Variants in SLC24A2 observed in about 807,000 individuals in gnomAD.
SLC24A2 encodes the protein solute carrier family 24 member 2.
A neutral mutation model predicts 62.0 loss-of-function variants in SLC24A2; 36 were observed. That is an observed-to-expected ratio of 0.58 (90% confidence interval 0.44 to 0.77). SLC24A2 has a LOEUF of 0.77. Ranked by LOEUF, SLC24A2 falls within the 30% of genes least tolerant of loss-of-function variation. SLC24A2 has a pLI of 0.00. For missense variants in SLC24A2, 846 were observed against 817.9 expected, an observed-to-expected ratio of 1.03 and a Z score of -0.42; for synonymous variants, 358 against 294.0, an observed-to-expected ratio of 1.22 and a Z score of -2.23.
chr9:20,275,968 G>A, the SLC24A2 span, among the ~76,000 whole-genome samples: 33 of 152,058 alleles, frequency 2.2e-4, no homozygotes, highest in Middle Eastern at 3.4e-3. Context: ...ACCTCCTACC[G>A]GGTCCCTCCC....
chr9:19,610,719 T>C (rs1185504824), intron 4 of SLC24A2, among the ~76,000 whole-genome samples: 2 of 152,234 alleles, frequency 1.3e-5, no homozygotes, highest in Non-Finnish European at 1.5e-5. Context: ...TCACTCTTCA[T>C]AGCTGCAAGA....
At chr9:20,246,063 G>C in the SLC24A2 span, among the ~76,000 whole-genome samples, 3 of 152,208 alleles carry the variant, frequency 2.0e-5, no homozygotes, top group Admixed American at 1.3e-4. Context: ...GTAAGGAAAA[G>C]AAATAAGATC....
At chr9:20,287,578 T>C in the SLC24A2 span, among the ~76,000 whole-genome samples, 1 of 152,178 alleles carries the variant, frequency 6.6e-6, no homozygotes, top group Non-Finnish European at 1.5e-5. Flanking sequence ...AACGAACAGT[T>C]TTTTAACACC....
At chr9:19,622,187 C>T (rs932085396) in intron 3 of SLC24A2, 74 bp downstream of exon 3, 82 of 1,248,678 alleles carry the variant, frequency 6.6e-5, no homozygotes, top group East Asian at 9.3e-5. Context: ...CACACAAACC[C>T]GTCTCACTCC....
At chr9:20,095,317 T>A in the SLC24A2 span, among the ~76,000 whole-genome samples, 5 of 152,372 alleles carry the variant, frequency 3.3e-5, no homozygotes, top group African/African-American at 1.2e-4. Context: ...CTGTGATGGT[T>A]AATTTTATCC....
chr9:19,778,483 A>C (rs7864764), intron 2 of SLC24A2, among the ~76,000 whole-genome samples: 1 of 151,968 alleles, frequency 6.6e-6, no homozygotes, highest in Non-Finnish European at 1.5e-5. Flanking sequence ...CTGCCTCGCA[A>C]AGGGAGATGG....
At chr9:20,105,002 G>T in the SLC24A2 span, among the ~76,000 whole-genome samples, 1 of 152,110 alleles carries the variant, frequency 6.6e-6, no homozygotes, top group Non-Finnish European at 1.5e-5. Context: ...AACGGAGGAA[G>T]ATCTACCAAG....
At chr9:20,059,539 A>G in the SLC24A2 span, among the ~76,000 whole-genome samples, 1 of 152,174 alleles carries the variant, frequency 6.6e-6, no homozygotes, top group African/African-American at 2.4e-5. Context: ...ATTAAACAAC[A>G]TACTCTTTAA....
At chr9:19,572,032 G>A (rs1252219104) in intron 7 of SLC24A2, among the ~76,000 whole-genome samples, 1 of 152,006 alleles carries the variant, frequency 6.6e-6, no homozygotes, top group Non-Finnish European at 1.5e-5. Flanking sequence ...CACTTTGGGA[G>A]GCCAAGGCGA....
the SLC24A2 span, among the ~76,000 whole-genome samples, chr9:20,161,725 AATTTG>A: frequency 6.7e-6 from 1 of 150,364 alleles, no homozygotes; most frequent in African/African-American, 2.5e-5. Flanking sequence ...TTGGATATTT[AATTTG>A]ATTTATTTGA....
chr9:20,291,115 A>G, the SLC24A2 span, among the ~76,000 whole-genome samples: 1 of 152,188 alleles, frequency 6.6e-6, no homozygotes, highest in Non-Finnish European at 1.5e-5. Context: ...CAAGGAGCAT[A>G]CGGAAGTCAT....
At chr9:19,779,314 A>C (rs1344019794) in intron 2 of SLC24A2, among the ~76,000 whole-genome samples, 2 of 152,242 alleles carry the variant, frequency 1.3e-5, no homozygotes, top group Admixed American at 1.3e-4. Flanking sequence ...GACATATCTT[A>C]AGGAAAATGC....
the SLC24A2 span, among the ~76,000 whole-genome samples, chr9:19,901,700 G>A: frequency 6.6e-6 from 1 of 152,160 alleles, no homozygotes; most frequent in African/African-American, 2.4e-5. Context: ...GATGTCAAAG[G>A]CTGAAGCTGG....
chr9:20,232,305 G>A, the SLC24A2 span, among the ~76,000 whole-genome samples: 1 of 152,178 alleles, frequency 6.6e-6, no homozygotes, highest in Admixed American at 6.5e-5. Context: ...GTTTCAGAAG[G>A]AATGATACCA....
At chr9:19,856,006 C>T in the SLC24A2 span, among the ~76,000 whole-genome samples, 1 of 151,864 alleles carries the variant, frequency 6.6e-6, no homozygotes, top group Non-Finnish European at 1.5e-5. Flanking sequence ...TTTCTCTAGT[C>T]TCGTTTGCCT....
the SLC24A2 span, among the ~76,000 whole-genome samples, chr9:20,054,411 C>G: frequency 1.3e-5 from 2 of 152,052 alleles, no homozygotes; most frequent in Non-Finnish European, 2.9e-5. Flanking sequence ...AGGCTGGTCT[C>G]AAACTCCCGA....
the SLC24A2 span, among the ~76,000 whole-genome samples, chr9:19,870,049 C>T: frequency 6.6e-6 from 1 of 152,178 alleles, no homozygotes. Context: ...ATATAACACT[C>T]TGTCTTGTAA....
upstream of SLC24A2, among the ~76,000 whole-genome samples, chr9:19,790,601 T>C (rs1467928492): frequency 2.0e-5 from 3 of 151,586 alleles, no homozygotes; most frequent in Non-Finnish European, 4.4e-5. Context: ...TATTAATTGA[T>C]AATATTTTAA....
chr9:19,903,020 A>G, the SLC24A2 span, among the ~76,000 whole-genome samples: 1 of 150,198 alleles, frequency 6.7e-6, no homozygotes, highest in Middle Eastern at 3.2e-3. Context: ...AAAGTCTATA[A>G]TAAGTCTTAA....
Sources: allele counts gnomAD v4.1 joint callset (sites outside exome capture counted in the v4.1 genomes callset), GRCh38; gene constraint gnomAD v4.1.1; transcripts MANE v1.5; gene names NCBI Gene and HGNC (gene_info 2026-07-23, HGNC 2026-07-21).